The following FAT4 variants were observed in gnomAD, a reference collection of about 807,000 sequenced individuals.
FAT4 encodes FAT atypical cadherin 4.
Under a neutral mutation model 303.9 loss-of-function variants are expected in FAT4, and 84 were observed. The ratio of observed to expected loss-of-function variants is 0.28; its 90% CI spans 0.23 to 0.33. The LOEUF (loss-of-function observed/expected upper bound fraction) is 0.33, where lower values mean the gene tolerates loss of function less well. Ranked by LOEUF, FAT4 falls within the 10% of genes least tolerant of loss-of-function variation. The pLI is 1.00. For synonymous variants in FAT4, 2,307 were observed against 2,298.8 expected (o/e 1.00, Z -0.10); for missense variants, 6,005 against 6,146.8 (o/e 0.98, Z 0.77).
intron 2 of FAT4, among the ~76,000 whole-genome samples, chr4:125,358,046 T>G (rs950330901): frequency 1.3e-5 from 2 of 152,092 alleles, no homozygotes; most frequent in African/African-American, 4.8e-5. Flanking sequence ...GTAAGCCAGC[T>G]TGGGCGGGGG....
Position 125,320,225 on chromosome 4 carries a change from A to G in FAT4, c.3814A>G (p.Lys1272Glu). 6 of 1,614,002 alleles carry G rather than the reference A, an allele frequency of 3.7e-6. No homozygotes were observed. The highest frequency in any genetic ancestry group is 1.3e-5 in the African/African-American group (1 of 75,062). Residue 1272 changes from lysine (K) to glutamate (E), a missense_variant, in exon 2 of 18, where the codon AAA becomes GAA. By Grantham distance (56) the Lys-to-Glu change is moderately conservative (BLOSUM62 1). Transcript: ENST00000394329. ...CTCTGGTCAGGTAACACTAATTGGC[A>G]AATTAGACTATGAAGCAACACCTGC... ...STSGQVTLIGKLDYEATPAYS... is the reference protein window; with the variant it reads ...STSGQVTLIGELDYEATPAYS...
At chr4:125,324,101 C>A (rs1007887438) in intron 2 of FAT4, among the ~76,000 whole-genome samples, 2 of 152,100 alleles carry the variant, frequency 1.3e-5, no homozygotes, top group Admixed American at 1.3e-4. Flanking sequence ...GTAGTAATGT[C>A]ATTGAAAGAT....
intron 2 of FAT4, among the ~76,000 whole-genome samples, chr4:125,372,000 T>C (rs750893269): frequency 3.6e-4 from 54 of 152,036 alleles, no homozygotes; most frequent in Non-Finnish European, 4.3e-4. Context: ...TTACTGAATA[T>C]TTTTTGAATA....
At chr4:125,381,829 C>T (rs7669346) in intron 2 of FAT4, among the ~76,000 whole-genome samples, 94,697 of 152,016 alleles carry the variant, frequency 0.62, 29,857 homozygotes, top group East Asian at 0.79. Flanking sequence ...CTCTCAAACC[C>T]TGCCACTCTT....
At chr4:125,442,546 C>T (rs1204056321) in intron 8 of FAT4, among the ~76,000 whole-genome samples, 1 of 152,116 alleles carries the variant, frequency 6.6e-6, no homozygotes, top group East Asian at 1.9e-4. Context: ...CACCTGATAC[C>T]TTTGCTTTCT....
At position 125,463,278 on chromosome 4, in the gene FAT4, T is replaced by C. The variant is rs192334885; in HGVS notation, c.11801-285T>C. On this transcript the variant is annotated intron_variant, in intron 10 of 17. Coordinates refer to ENST00000394329, the MANE Select transcript of FAT4 (RefSeq NM_001291303.3). ...ACAGAAAATAAATTCAGTGAAAGCA[T>C]TTAAATATGTTTATCATGTCATTTC... 4.8e-3 allele frequency among the ~76,000 whole-genome samples: 727 copies of C among 152,172 alleles called. No homozygotes were observed. The highest frequency in any genetic ancestry group is 6.7e-3 in the Non-Finnish European group (455 of 67,912).
At chr4:125,373,222 T>C (rs2125993099) in intron 2 of FAT4, among the ~76,000 whole-genome samples, 1 of 152,262 alleles carries the variant, frequency 6.6e-6, no homozygotes, top group South Asian at 2.1e-4. Flanking sequence ...AATTTATTTT[T>C]AGTCAAGTAA....
intron 7 of FAT4, among the ~76,000 whole-genome samples, chr4:125,417,399 C>G (rs575105122): frequency 6.6e-6 from 1 of 152,196 alleles, no homozygotes; most frequent in South Asian, 2.1e-4. Context: ...AGAACAAAGT[C>G]CTGGTTCCAG....
At chr4:125,403,092 A>C (rs1003286872) in intron 3 of FAT4, among the ~76,000 whole-genome samples, 1 of 152,104 alleles carries the variant, frequency 6.6e-6, no homozygotes, top group Non-Finnish European at 1.5e-5. Context: ...TGTTTCTCTT[A>C]TAAGAAAATA....
At chr4:125,384,270 A>G (rs1318485428) in intron 2 of FAT4, among the ~76,000 whole-genome samples, 1 of 152,198 alleles carries the variant, frequency 6.6e-6, no homozygotes, top group East Asian at 1.9e-4. Flanking sequence ...TGGTTGCACC[A>G]TCTTATATTC....
rs749126674 is a variant in FAT4, at chr4:125,317,462, C to G, written c.1051C>G (p.Pro351Ala). The G allele has an allele frequency of 3.1e-6, 5 of 1,613,672 alleles. No individual in the cohort carries two copies. In the South Asian group the frequency reaches 5.5e-5, roughly 18 times the overall value. The change falls in exon 2 of 18, where the codon CCG (proline) becomes GCG (alanine). Residue 351 changes from proline to alanine, a missense_variant. Transcript: ENST00000394329. The surrounding 1 kb of genome is among the most constrained non-coding windows in gnomAD (Gnocchi z 7.0). ...GCTGCTGGACGTGAATGACAATGAC[C>G]CGGTAGTGAAGTTCCGCTACTTCCC... Reference protein sequence around the residue: ...IQLLDVNDNDPVVKFRYFPAT... With the variant: ...IQLLDVNDNDAVVKFRYFPAT...
chr4:125,370,720 G>A (rs1733072977), intron 2 of FAT4, among the ~76,000 whole-genome samples: 1 of 152,044 alleles, frequency 6.6e-6, no homozygotes, highest in Non-Finnish European at 1.5e-5. Flanking sequence ...TGGGGTGCAG[G>A]CAGTGTCATC....
At position 125,435,753 on chromosome 4, in the gene FAT4, G is replaced by A. The variant is rs566078178; in HGVS notation, c.7199+1328G>A. Among the ~76,000 whole-genome samples the A allele has an allele frequency of 1.4e-4, 22 of 152,166 alleles. 1 individual carries two copies. In the East Asian group the frequency reaches 3.9e-3, roughly 27 times the overall value. On this transcript the variant is annotated intron_variant, in intron 8 of 17. Coordinates refer to ENST00000394329, the MANE Select transcript of FAT4 (RefSeq NM_001291303.3). ...TGCAGGCCATATACAGGCCATATATGTCACGATACAGAATTGGGGTTTTCC... is the reference window on the plus strand; with the variant it reads ...TGCAGGCCATATACAGGCCATATATATCACGATACAGAATTGGGGTTTTCC...
intron 10 of FAT4, among the ~76,000 whole-genome samples, chr4:125,461,403 C>T (rs1726478778): frequency 6.6e-6 from 1 of 151,976 alleles, no homozygotes; most frequent in Non-Finnish European, 1.5e-5. Flanking sequence ...TCAGAGAGCA[C>T]ATATGTCCAA....
chr4:125,478,982 A>G (rs1197611489), intron 14 of FAT4, among the ~76,000 whole-genome samples: 2 of 152,046 alleles, frequency 1.3e-5, no homozygotes. Flanking sequence ...TCCTGAACAT[A>G]TCTAACTATT....
intron 2 of FAT4, among the ~76,000 whole-genome samples, chr4:125,343,422 G>A (rs1731876688): frequency 6.6e-6 from 1 of 151,874 alleles, no homozygotes; most frequent in South Asian, 2.1e-4. Flanking sequence ...CATGTTACCA[G>A]CCATTTAATC....
At chr4:125,400,347 A>G (rs1015981676) in intron 3 of FAT4, among the ~76,000 whole-genome samples, 1 of 152,040 alleles carries the variant, frequency 6.6e-6, no homozygotes, top group Non-Finnish European at 1.5e-5. Context: ...TGTTTTAATC[A>G]TCATACTGCT....
intron 11 of FAT4, among the ~76,000 whole-genome samples, chr4:125,464,965 A>G (rs1482052917): frequency 6.6e-6 from 1 of 152,186 alleles, no homozygotes. Context: ...AGTTCCTAAT[A>G]ACCTGTATAA....
Position 125,437,084 on chromosome 4 carries a change from A to G in FAT4, c.7199+2659A>G, listed in dbSNP as rs201439154. 9.2e-5 allele frequency among the ~76,000 whole-genome samples: 14 copies of G among 152,076 alleles called. No individual in the cohort carries two copies. The East Asian group carries it at 2.5e-3, about 28-fold the overall frequency. ...TGGCCACACTGGTCTCCAACTCCTGATCTCAGGTGATCTGCCCACTTCCGC... is the reference window on the plus strand; with the variant it reads ...TGGCCACACTGGTCTCCAACTCCTGGTCTCAGGTGATCTGCCCACTTCCGC... On this transcript the variant is annotated intron_variant, in intron 8 of 17. Coordinates refer to ENST00000394329, the MANE Select transcript of FAT4 (RefSeq NM_001291303.3).
Sources: allele counts gnomAD v4.1 joint callset (sites outside exome capture counted in the v4.1 genomes callset), GRCh38; gene constraint gnomAD v4.1.1; non-coding constraint Gnocchi (gnomAD v3.1); transcripts MANE v1.5; gene names NCBI Gene and HGNC (gene_info 2026-07-23, HGNC 2026-07-21).